The following CEP126 variants were observed in gnomAD, a reference collection of about 807,000 sequenced individuals.
The protein encoded by CEP126 is centrosomal protein 126.
A neutral mutation model predicts 107.8 loss-of-function variants in CEP126; 74 were observed. The ratio of observed to expected loss-of-function variants is 0.69; its 90% CI spans 0.57 to 0.83. CEP126 has a LOEUF of 0.83. Among genes scored for constraint, CEP126 ranks in the 40% least tolerant of loss-of-function variants. The probability of loss-of-function intolerance (pLI) is 0.00; values close to 1 mark genes in which losing one functional copy is unlikely to be tolerated. For synonymous variants in CEP126, 449 were observed against 446.0 expected (o/e 1.01, Z -0.08); for missense variants, 1,237 against 1,281.9 (o/e 0.96, Z 0.53).
In CEP126 at chr11:101,948,053, A is replaced by G; in HGVS notation, c.417A>G (p.Pro139=). Residue 139 remains proline (P), a synonymous_variant, in exon 4 of 11, where the codon CCA becomes CCG. Coordinates refer to ENST00000263468, the MANE Select transcript of CEP126 (RefSeq NM_020802.4). ...TAGTTTCCCGAAAACCAGTTCCTCC[A>G]TTAGAAGAGGCCCTCAAACAAATTC... is the stretch of plus-strand genomic sequence containing the variant. The part of the protein sequence containing the change: ...RKAVSRKPVP[P]LEEALKQIQE... The G allele has an allele frequency of 1.2e-6, 2 of 1,611,194 alleles. No homozygotes were observed. The highest frequency in any genetic ancestry group is 1.1e-5 in the South Asian group (1 of 90,648).
chr11:101,946,876 A>T (rs1940744140), intron 3 of CEP126, among the ~76,000 whole-genome samples: 1 of 152,238 alleles, frequency 6.6e-6, no homozygotes, highest in Non-Finnish European at 1.5e-5. Context: ...ATGGTGGAAG[A>T]GAGGCTAGAA....
chr11:101,956,589 C>T, intron 4 of CEP126: 2 of 456,312 alleles, frequency 4.4e-6, no homozygotes, highest in Non-Finnish European at 8.8e-6. Flanking sequence ...CTGTTTTCTT[C>T]CTCCTCATCT....
rs1477440583 is a variant in CEP126, at chr11:102,000,989, T to C, written c.*3346T>C. The stretch of plus-strand genomic sequence containing the variant: ...ACTTACATGTATGTATTTTGATAGA[T>C]ATTACATGGACTAAATTTTGTCAAT... On this transcript the variant is annotated 3_prime_UTR_variant, in exon 11 of 11. Coordinates refer to ENST00000263468, the MANE Select transcript of CEP126 (RefSeq NM_020802.4). The C allele has an allele frequency of 6.6e-6, 1 of 152,252 alleles. No individual in the cohort carries two copies. Among genetic ancestry groups the C allele is most frequent in the Admixed American group, 6.5e-5 (1 of 15,282 alleles). The allele number at this position is 152,252 out of a possible 1,614,324, so 9.4% of individuals were successfully genotyped here. A position where few individuals can be genotyped will look rare whatever the true frequency, so the allele number is the denominator to read the frequency against.
rs200084776 is a variant in CEP126, at chr11:101,963,734, G to A, written c.2699G>A (p.Arg900Gln). The part of the protein sequence containing the change: ...NHSNGTQAVA[R>Q]QDATLYCTQR... The stretch of plus-strand genomic sequence containing the variant: ...TCAAATGGCACTCAAGCAGTTGCCC[G>A]GCAAGATGCGACATTATATTGCACC... The change falls in exon 6 of 11, where the codon CGG becomes CAG. Residue 900 changes from arginine to glutamine, a missense_variant. Physicochemically the swap from Arg to Gln is conservative, Grantham distance 43. Coordinates refer to ENST00000263468, the MANE Select transcript of CEP126 (RefSeq NM_020802.4). The A allele has an allele frequency of 1.6e-4, 265 of 1,613,982 alleles. No homozygotes were observed. The highest frequency in any genetic ancestry group is 1.6e-4 in the Non-Finnish European group (191 of 1,180,020).
chr11:101,945,293 C>A (rs146492196), intron 3 of CEP126, among the ~76,000 whole-genome samples: 1 of 151,610 alleles, frequency 6.6e-6, no homozygotes, highest in Non-Finnish European at 1.5e-5. Context: ...ACATCCCAGG[C>A]GAAAGAACAG....
intron 4 of CEP126, chr11:101,956,270 G>C: frequency 2.2e-6 from 1 of 456,324 alleles, no homozygotes. Context: ...AGCTCCACTG[G>C]TTGTTTCCCC....
intron 3 of CEP126, among the ~76,000 whole-genome samples, 182 bp downstream of exon 3, chr11:101,944,592 A>G (rs1049257972): frequency 6.6e-6 from 1 of 152,208 alleles, no homozygotes; most frequent in African/African-American, 2.4e-5. Context: ...AATTGAGAGA[A>G]TATTGTTGGC....
intron 4 of CEP126, chr11:101,956,550 C>T (rs566564714): frequency 2.2e-6 from 1 of 456,384 alleles, no homozygotes; most frequent in Non-Finnish European, 4.4e-6. Context: ...TCTCCTTCTA[C>T]TTCCACATCC....
rs778797751 is a variant in CEP126, at chr11:101,963,512, C to T, written c.2477C>T (p.Pro826Leu). The T allele has an allele frequency of 1.2e-6, 2 of 1,614,038 alleles. No individual in the cohort carries two copies. Among genetic ancestry groups the T allele is most frequent in the Non-Finnish European group, 1.7e-6 (2 of 1,179,956 alleles). ...IQVSQCQPVTPENPQNIITHN... is the reference protein window; with the variant it reads ...IQVSQCQPVTLENPQNIITHN... ...GTGTCTCAGTGTCAACCAGTAACTC[C>T]TGAAAATCCTCAAAACATTATTACA... Residue 826 changes from proline (P) to leucine (L), a missense_variant, in exon 6 of 11, where the codon CCT becomes CTT. Around this residue, in one of 3 missense-constraint regions of CEP126, gnomAD observed 1,134 missense variants for 1,150.5 expected, o/e 0.99. Transcript: ENST00000263468.
rs1168056801 is a variant in CEP126, at chr11:101,986,881, A to T, written c.3084A>T (p.Ala1028=). 1.2e-6 allele frequency: 2 copies of T among 1,613,902 alleles called. No homozygotes were observed. Among genetic ancestry groups the T allele is most frequent in the African/African-American group, 2.7e-5 (2 of 75,050 alleles). Residue 1028 remains alanine, a synonymous_variant, in exon 9 of 11, where the codon GCA becomes GCT. Transcript: ENST00000263468. ...TGATGGCTGAAAACTTAGTGAAAGCATCAGTGCCGGAGGATGAGATTCTGA... is the reference window on the plus strand; with the variant it reads ...TGATGGCTGAAAACTTAGTGAAAGCTTCAGTGCCGGAGGATGAGATTCTGA... The part of the protein sequence containing the change: ...EFLMAENLVK[A]SVPEDEILTV...
Position 101,939,010 on chromosome 11 carries a change from C to G in CEP126, c.249-5255C>G, listed in dbSNP as rs376434014. ...CTCAACATAAGATTTTTATGATGTA[C>G]TTGGGAAAAGACTGTGTATTATGAT... On this transcript the variant is annotated intron_variant, in intron 2 of 10. Coordinates refer to ENST00000263468, the MANE Select transcript of CEP126 (RefSeq NM_020802.4). Among the ~76,000 whole-genome samples the G allele has an allele frequency of 6.6e-5, 10 of 152,084 alleles. 1 individual carries two copies. In the South Asian group the frequency reaches 1.9e-3, roughly 28 times the overall value.
chr11:101,956,148 C>T, intron 4 of CEP126: 1 of 456,648 alleles, frequency 2.2e-6, no homozygotes, highest in South Asian at 1.5e-5. Flanking sequence ...ATTCCTGACC[C>T]TGAGTCACAG....
At chr11:101,949,532 A>G (rs1940782301) in intron 4 of CEP126, among the ~76,000 whole-genome samples, 1 of 152,206 alleles carries the variant, frequency 6.6e-6, no homozygotes, top group Non-Finnish European at 1.5e-5. Flanking sequence ...AGCAACATTT[A>G]AGGAAGTGGA....
rs1315167655 is a variant in CEP126, at chr11:101,988,612, GA to G, written c.3244+1579del. Among the ~76,000 whole-genome samples, 5 of 151,740 alleles carry G rather than the reference GA, an allele frequency of 3.3e-5. No individual in the cohort carries two copies. The East Asian group carries it at 7.7e-4, about 24-fold the overall frequency. On this transcript the variant is annotated intron_variant, in intron 9 of 10. Coordinates refer to ENST00000263468, the MANE Select transcript of CEP126 (RefSeq NM_020802.4). ...CAGCAACAAAAAGGCAGAAAACAAT[GA>G]AAAAAAATCAGGAGATATTGACAAC...
intron 9 of CEP126, among the ~76,000 whole-genome samples, chr11:101,991,544 T>G (rs759015062): frequency 4.6e-5 from 7 of 152,124 alleles, no homozygotes; most frequent in Non-Finnish European, 1.0e-4. Flanking sequence ...ATGAGAGAGA[T>G]AGACAACATG....
chr11:101,936,876 A>G (rs1209054020), intron 2 of CEP126, among the ~76,000 whole-genome samples: 1 of 152,210 alleles, frequency 6.6e-6, no homozygotes, highest in African/African-American at 2.4e-5. Flanking sequence ...TTCCATGGAT[A>G]ACCCTCATTT....
At chr11:101,922,568 T>A in intron 1 of CEP126, 73 bp from the exon 2 acceptor site, 2 of 1,159,160 alleles carry the variant, frequency 1.7e-6, no homozygotes, top group Non-Finnish European at 2.5e-6. Context: ...GCTGTAGTTA[T>A]ATTTATCATA....
At chr11:101,968,438 G>C (rs1038745570) in intron 6 of CEP126, among the ~76,000 whole-genome samples, 1 of 152,176 alleles carries the variant, frequency 6.6e-6, no homozygotes, top group African/African-American at 2.4e-5. Context: ...AAGGCATTCA[G>C]ATGGCCCCTA....
intron 2 of CEP126, among the ~76,000 whole-genome samples, chr11:101,925,315 C>A (rs146002115): frequency 6.6e-6 from 1 of 152,170 alleles, no homozygotes; most frequent in East Asian, 1.9e-4. Context: ...TTATTTCCTG[C>A]TTTTTCAGTC....
Sources: allele counts gnomAD v4.1 joint callset (sites outside exome capture counted in the v4.1 genomes callset), GRCh38; gene constraint gnomAD v4.1.1; regional missense constraint gnomAD v4.1.1; transcripts MANE v1.5; gene names NCBI Gene and HGNC (gene_info 2026-07-23, HGNC 2026-07-21).